BCHE: variants seen among roughly 807,000 people sequenced by gnomAD.
The protein encoded by BCHE is butyrylcholinesterase.
BCHE carries 48 observed loss-of-function variants against 51.3 expected under a neutral mutation model. The observed-to-expected ratio is 0.94, with a 90% CI of 0.74 to 1.19. BCHE has a LOEUF of 1.19. Among genes scored for constraint, BCHE ranks in the 50% most tolerant of loss-of-function variants. The pLI is 0.00. For synonymous variants in BCHE, 251 were observed against 238.0 expected (o/e 1.05, Z -0.50); for missense variants, 847 against 708.2 (o/e 1.20, Z -2.23).
At chr3:165,792,545 T>C (rs771082871) in intron 2 of BCHE, among the ~76,000 whole-genome samples, 13 of 152,120 alleles carry the variant, frequency 8.5e-5, no homozygotes, top group African/African-American at 1.2e-4. Context: ...GAGAAAAGAA[T>C]TATTGAAAAA....
At chr3:165,815,398 C>T (rs1178828073) in intron 2 of BCHE, among the ~76,000 whole-genome samples, 2 of 151,932 alleles carry the variant, frequency 1.3e-5, no homozygotes, top group Non-Finnish European at 2.9e-5. Context: ...TTTGGAGTTC[C>T]GGTTTTCACT....
At chr3:165,780,205 A>G (rs912636892) in intron 3 of BCHE, among the ~76,000 whole-genome samples, 2 of 152,232 alleles carry the variant, frequency 1.3e-5, no homozygotes, top group Admixed American at 6.5e-5. Flanking sequence ...CTGGTTAGCC[A>G]TATGCAGAAA....
intron 2 of BCHE, among the ~76,000 whole-genome samples, chr3:165,813,407 C>A (rs1401359120): frequency 2.0e-5 from 3 of 151,486 alleles, no homozygotes; most frequent in African/African-American, 4.8e-5. Flanking sequence ...TCATCTTATT[C>A]TTTTCCATTT....
intron 3 of BCHE, among the ~76,000 whole-genome samples, chr3:165,774,279 T>C (rs1712381808): frequency 6.6e-6 from 1 of 152,120 alleles, no homozygotes; most frequent in Admixed American, 6.6e-5. Context: ...AGGATAACTT[T>C]TTAATTATCA....
chr3:165,797,084 G>A (rs1358121550), intron 2 of BCHE, among the ~76,000 whole-genome samples: 1 of 151,554 alleles, frequency 6.6e-6, no homozygotes, highest in African/African-American at 2.4e-5. Context: ...TCATATTAAA[G>A]AAAATCAGAA....
At chr3:165,793,813 A>C (rs1713262471) in intron 2 of BCHE, among the ~76,000 whole-genome samples, 1 of 152,120 alleles carries the variant, frequency 6.6e-6, no homozygotes, top group African/African-American at 2.4e-5. Flanking sequence ...TTGGGAGGCC[A>C]AGGCGGTGGA....
At chr3:165,792,012 C>T (rs927205887) in intron 2 of BCHE, among the ~76,000 whole-genome samples, 24 of 146,972 alleles carry the variant, frequency 1.6e-4, no homozygotes, top group African/African-American at 6.2e-4. Flanking sequence ...GTTAAGTTCA[C>T]GTGTTAAATT....
At chr3:165,823,128 A>T (rs1419736775) in intron 2 of BCHE, among the ~76,000 whole-genome samples, 1 of 152,144 alleles carries the variant, frequency 6.6e-6, no homozygotes, top group African/African-American at 2.4e-5. Context: ...AAAGGCCTAA[A>T]TTATATTATG....
Position 165,794,245 on chromosome 3 carries a change from A to G in BCHE, c.1518-7934T>C, listed in dbSNP as rs139389095. ...TAATCCACAAGGCAATGTCCTAGGT[A>G]ATTTGTTAGTTTTATAAAACCTTTT... is the stretch of plus-strand genomic sequence containing the variant. On this transcript the variant is annotated intron_variant, in intron 2 of 3. Transcript: ENST00000264381. Among the ~76,000 whole-genome samples, 26 of 152,286 alleles carry G rather than the reference A, an allele frequency of 1.7e-4. No individual in the cohort carries two copies. In the East Asian group the frequency reaches 5.0e-3, roughly 29 times the overall value.
chr3:165,785,969 A>G (rs1333262966), intron 3 of BCHE, among the ~76,000 whole-genome samples, 176 bp downstream of exon 3: 1 of 151,464 alleles, frequency 6.6e-6, no homozygotes, highest in Non-Finnish European at 1.5e-5. Flanking sequence ...AGAGTTCAAA[A>G]CATATCTAAA....
At chr3:165,807,973 GT>G (rs200905474) in intron 2 of BCHE, among the ~76,000 whole-genome samples, 28 of 150,104 alleles carry the variant, frequency 1.9e-4, no homozygotes, top group East Asian at 2.0e-4. Context: ...ATTGTTGCTT[GT>G]TTTTTTTTGT....
intron 2 of BCHE, among the ~76,000 whole-genome samples, chr3:165,802,660 A>T (rs1713705663): frequency 6.6e-6 from 1 of 151,988 alleles, no homozygotes; most frequent in African/African-American, 2.4e-5. Flanking sequence ...AAATGGAGAC[A>T]TTTACAGAGA....
chr3:165,821,278 G>A (rs1170671147), intron 2 of BCHE, among the ~76,000 whole-genome samples: 1 of 151,392 alleles, frequency 6.6e-6, no homozygotes, highest in Non-Finnish European at 1.5e-5. Flanking sequence ...TAATTTCTTG[G>A]TGAAGGGATT....
rs563732075 is a variant in BCHE at position 165,790,737 on chromosome 3, G to A, written c.1518-4426C>T. ...TGAAGTGAAGACTTGAGGAGAGAAG[G>A]GATGAGCCAAATAGTTGTTTGGGGA... On this transcript the variant is annotated intron_variant, in intron 2 of 3. Coordinates refer to ENST00000264381, the MANE Select transcript of BCHE (RefSeq NM_000055.4). Among the ~76,000 whole-genome samples, 3 of 152,230 alleles carry A rather than the reference G, an allele frequency of 2.0e-5. No homozygotes were observed. The South Asian group carries it at 6.2e-4, about 32-fold the overall frequency.
At chr3:165,807,960 T>C (rs568193732) in intron 2 of BCHE, among the ~76,000 whole-genome samples, 1 of 152,000 alleles carries the variant, frequency 6.6e-6, no homozygotes. Context: ...GACAACCTGG[T>C]ATATTGTTGC....
intron 2 of BCHE, among the ~76,000 whole-genome samples, chr3:165,819,481 T>G (rs1714435164): frequency 6.6e-6 from 1 of 152,108 alleles, no homozygotes. Flanking sequence ...ATTTAAAAAA[T>G]TATCATTCCA....
chr3:165,787,471 TA>T (rs1256586362), intron 2 of BCHE, among the ~76,000 whole-genome samples: 4 of 151,392 alleles, frequency 2.6e-5, no homozygotes, highest in Non-Finnish European at 5.9e-5. Flanking sequence ...AAACCGAGTC[TA>T]AAAAAAGGGC....
At chr3:165,792,668 T>C (rs954509430) in intron 2 of BCHE, among the ~76,000 whole-genome samples, 1 of 152,216 alleles carries the variant, frequency 6.6e-6, no homozygotes, top group African/African-American at 2.4e-5. Context: ...TAACTAAGAA[T>C]CTCAAATCGA....
intron 2 of BCHE, among the ~76,000 whole-genome samples, chr3:165,815,630 G>T (rs1169316857): frequency 6.6e-6 from 1 of 151,918 alleles, no homozygotes; most frequent in Non-Finnish European, 1.5e-5. Flanking sequence ...TGACTCCAAA[G>T]GCTACCTGGT....
Sources: allele counts gnomAD v4.1 joint callset (sites outside exome capture counted in the v4.1 genomes callset), GRCh38; gene constraint gnomAD v4.1.1; transcripts MANE v1.5; gene names NCBI Gene and HGNC (gene_info 2026-07-23, HGNC 2026-07-21).